IVNS1ABP: variants seen among roughly 807,000 people sequenced by gnomAD.
IVNS1ABP encodes the protein influenza virus NS1A binding protein, also known as influenza virus NS1A-binding protein.
Under a neutral mutation model 78.9 loss-of-function variants are expected in IVNS1ABP, and 25 were observed. That is an observed-to-expected ratio of 0.32 (90% CI 0.23 to 0.44). IVNS1ABP has a LOEUF of 0.44. IVNS1ABP is among the 20% of genes least tolerant of loss of function. The probability of loss-of-function intolerance (pLI) is 1.00; values close to 1 mark genes in which losing one functional copy is unlikely to be tolerated. For missense variants in IVNS1ABP, 494 were observed against 768.9 expected, an observed-to-expected ratio of 0.64 and a Z score of 4.23; for synonymous variants, 241 against 259.7, an observed-to-expected ratio of 0.93 and a Z score of 0.69.
In IVNS1ABP at chr1:185,305,146, TAAC is replaced by T. The variant is rs1665702418; in HGVS notation, c.765+387_765+389del. Among the ~76,000 whole-genome samples, 1 of 152,142 alleles carries T rather than the reference TAAC, an allele frequency of 6.6e-6. No individual in the cohort carries two copies. The highest frequency in any genetic ancestry group is 2.1e-4 in the South Asian group (1 of 4,830). ...CAGTAAGACAGCTCAGTAGTTAAGGTAACATCCAAAAATTTCTTTCATAGCCAT... is the reference window on the plus strand; with the variant it reads ...CAGTAAGACAGCTCAGTAGTTAAGGTATCCAAAAATTTCTTTCATAGCCAT... On this transcript the variant is annotated intron_variant, in intron 8 of 14. Transcript: ENST00000367498. The surrounding 1 kb of genome is among the most constrained non-coding windows in gnomAD (Gnocchi z 4.0).
Position 185,298,090 on chromosome 1 carries a change from A to G in IVNS1ABP, c.1874T>C (p.Val625Ala), listed in dbSNP as rs775347398. 5 of 1,613,700 alleles carry G rather than the reference A, an allele frequency of 3.1e-6. No individual in the cohort carries two copies. Among genetic ancestry groups the G allele is most frequent in the Non-Finnish European group, 4.2e-6 (5 of 1,179,766 alleles). The change falls in exon 15 of 15, where the codon GTC (valine) becomes GCC (alanine). Residue 625 changes from valine (V) to alanine (A), a missense_variant. By Grantham distance (64) the Val-to-Ala change is moderately conservative. Coordinates refer to ENST00000367498, the MANE Select transcript of IVNS1ABP (RefSeq NM_006469.5). This position sits in a 1 kb window ranked among gnomAD's most constrained non-coding sequence, Gnocchi z 4.1. ...CCATTCATTTGACTCAAGGTTATAG[A>G]CTTCCACCGTATTCAGAAATTCATT... ...DGNEFLNTVE[V>A]YNLESNEWSP...
chr1:185,309,585 T>C (rs756353821), intron 2 of IVNS1ABP, 74 bp from the exon 3 acceptor site: 2 of 747,494 alleles, frequency 2.7e-6, no homozygotes, highest in Non-Finnish European at 4.6e-6. Flanking sequence ...TAAAGAGTAA[T>C]ACAGTCTCTT....
rs1665639334 is a variant in IVNS1ABP at position 185,302,939 on chromosome 1, A to AGTT, written c.766-1377_766-1376insAAC. ...GACAAGTTATGTCATACTATAAAAC[A>AGTT]GATTTACACTATGACAGGCTGTTTT... On this transcript the variant is annotated intron_variant, in intron 8 of 14. Transcript: ENST00000367498. Among the ~76,000 whole-genome samples the AGTT allele has an allele frequency of 2.0e-5, 3 of 152,140 alleles. No homozygotes were observed. In the South Asian group the frequency reaches 6.2e-4, roughly 31 times the overall value.
At position 185,297,978 on chromosome 1, in the gene IVNS1ABP, C is replaced by G. The variant is rs1187438398; in HGVS notation, c.*57G>C. The G allele has an allele frequency of 6.5e-7, 1 of 1,548,568 alleles. No individual in the cohort carries two copies. The highest frequency in any genetic ancestry group is 8.8e-7 in the Non-Finnish European group (1 of 1,134,954). ...CCACCCTCTTTATTCACAAGTGTAC[C>G]TCTACTAACCATAATTACATCACTA... On this transcript the variant is annotated 3_prime_UTR_variant, in exon 15 of 15. Transcript: ENST00000367498.
Position 185,317,209 on chromosome 1 carries a change from G to C in IVNS1ABP, c.-503C>G, listed in dbSNP as rs1182066456. The C allele has an allele frequency of 1.0e-5, 4 of 398,216 alleles. No individual in the cohort carries two copies. In the East Asian group the frequency reaches 1.4e-4, roughly 14 times the overall value. 24.7% of individuals were successfully genotyped at this position (398,216 alleles called of 1,614,324 possible). Reference sequence around the variant, plus strand: ...CGGAGAAACTGCGCCCAGCAGCTCTGAGCGACCGACCTCCACGCGCGACCG... The same window carrying C: ...CGGAGAAACTGCGCCCAGCAGCTCTCAGCGACCGACCTCCACGCGCGACCG... On this transcript the variant is annotated 5_prime_UTR_variant, in exon 1 of 15. Transcript: ENST00000367498.
intron 2 of IVNS1ABP, among the ~76,000 whole-genome samples, chr1:185,310,863 GATCTT>G (rs990427141): frequency 1.0e-4 from 15 of 150,478 alleles, no homozygotes; most frequent in Non-Finnish European, 7.4e-5. Context: ...GGACAACAGA[GATCTT>G]ATCTCTTTAA....
intron 2 of IVNS1ABP, among the ~76,000 whole-genome samples, chr1:185,310,786 G>C: frequency 6.6e-6 from 1 of 151,538 alleles, no homozygotes; most frequent in East Asian, 1.9e-4. Flanking sequence ...GCTGAGGCAG[G>C]AGAAGCACTT....
chr1:185,306,791 G>T, intron 7 of IVNS1ABP: 1 of 675,232 alleles, frequency 1.5e-6, no homozygotes, highest in Non-Finnish European at 2.2e-6. Flanking sequence ...AAAGTTAACA[G>T]CACATAATAA....
At chr1:185,303,508 A>G (rs1489196250) in intron 8 of IVNS1ABP, among the ~76,000 whole-genome samples, 1 of 152,028 alleles carries the variant, frequency 6.6e-6, no homozygotes, top group Non-Finnish European at 1.5e-5. Context: ...TATTCATGGC[A>G]TCACATTCTA....
intron 8 of IVNS1ABP, among the ~76,000 whole-genome samples, chr1:185,303,752 T>C (rs983171583): frequency 6.6e-6 from 1 of 152,084 alleles, no homozygotes; most frequent in African/African-American, 2.4e-5. Flanking sequence ...GCTCAAACTT[T>C]TATTGATTTT....
Position 185,300,029 on chromosome 1 carries a change from A to G in IVNS1ABP, c.1471T>C (p.Leu491=), listed in dbSNP as rs979539083. 18 of 1,613,330 alleles carry G rather than the reference A, an allele frequency of 1.1e-5. No homozygotes were observed. Among genetic ancestry groups the G allele is most frequent in the Non-Finnish European group, 1.4e-5 (16 of 1,179,744 alleles). ...NCDVFDPVTK[L]WTSCAPLNIR... Reference sequence around the variant, plus strand: ...TTAAGAGGGGCACAGCTTGTCCACAACTTTGTTACAGGATCAAATACATCA... The same window carrying G: ...TTAAGAGGGGCACAGCTTGTCCACAGCTTTGTTACAGGATCAAATACATCA... The change falls in exon 13 of 15, where the codon TTG becomes CTG. Residue 491 remains leucine (L), a synonymous_variant. Coordinates refer to ENST00000367498, the MANE Select transcript of IVNS1ABP (RefSeq NM_006469.5).
chr1:185,298,029 A>T lies in IVNS1ABP; in HGVS notation c.*6T>A. 6.2e-7 allele frequency: 1 copy of T among 1,612,458 alleles called. No individual in the cohort carries two copies. The highest frequency in any genetic ancestry group is 8.5e-7 in the Non-Finnish European group (1 of 1,179,130). Reference sequence around the variant, plus strand: ...AGCCTGTTAGTTTGAGAGGGTCTTAAATTTGTTAAAACTGGAAAATCTTTG... The same window carrying T: ...AGCCTGTTAGTTTGAGAGGGTCTTATATTTGTTAAAACTGGAAAATCTTTG... On this transcript the variant is annotated 3_prime_UTR_variant, in exon 15 of 15. Coordinates refer to ENST00000367498, the MANE Select transcript of IVNS1ABP (RefSeq NM_006469.5). The surrounding 1 kb of genome is among the most constrained non-coding windows in gnomAD (Gnocchi z 4.1).
rs1666056983 is a variant in IVNS1ABP at position 185,317,100 on chromosome 1, T to G, written c.-394A>C. 2.5e-6 allele frequency: 1 copy of G among 397,444 alleles called. No homozygotes were observed. Among genetic ancestry groups the G allele is most frequent in the Non-Finnish European group, 4.4e-6 (1 of 225,830 alleles). 24.6% of individuals were successfully genotyped at this position (397,444 alleles called of 1,614,324 possible). A position where few individuals can be genotyped will look rare whatever the true frequency, so the allele number is the denominator to read the frequency against. ...AGTAGAAGGACGAGGGGCCAGTCCG[T>G]GGAGACTGAAAGGAAGGGGGAGCGC... On this transcript the variant is annotated 5_prime_UTR_variant, in exon 1 of 15. Coordinates refer to ENST00000367498, the MANE Select transcript of IVNS1ABP (RefSeq NM_006469.5).
Position 185,296,636 on chromosome 1 carries a change from T to A in IVNS1ABP, c.*1399A>T, listed in dbSNP as rs1665425640. The A allele has an allele frequency of 6.6e-6, 1 of 152,006 alleles. No individual in the cohort carries two copies. Among genetic ancestry groups the A allele is most frequent in the African/African-American group, 2.4e-5 (1 of 41,406 alleles). The allele number at this position is 152,006 out of a possible 1,614,324, so 9.4% of individuals were successfully genotyped here. On this transcript the variant is annotated 3_prime_UTR_variant, in exon 15 of 15. Transcript: ENST00000367498. ...AGTACCAGTGAACATTTGGAGAAAA[T>A]ACCTAATTATTTTCTTCCTAACCCA...
At chr1:185,315,913 C>T (rs747697601) in intron 1 of IVNS1ABP, among the ~76,000 whole-genome samples, 2 of 151,966 alleles carry the variant, frequency 1.3e-5, no homozygotes, top group Admixed American at 6.5e-5. Flanking sequence ...CATCACTGCA[C>T]GCTCCATCAC....
chr1:185,307,486 T>C lies in IVNS1ABP; in HGVS notation c.531+3A>G, dbSNP rs201582382. 8 of 1,609,828 alleles carry C rather than the reference T, an allele frequency of 5.0e-6. No individual in the cohort carries two copies. In the Admixed American group the frequency reaches 1.3e-4, roughly 27 times the overall value. On this transcript the variant is annotated splice_donor_region_variant and intron_variant, in intron 6 of 14. Transcript: ENST00000367498. ...ATATCTGTTTATAGACTTTACTCCT[T>C]ACCTTTAGCCTTGGAAGCTTAAGAA...
In IVNS1ABP at chr1:185,299,903, A is replaced by C; in HGVS notation, c.1502-20T>G. 1 of 1,613,530 alleles carries C rather than the reference A, an allele frequency of 6.2e-7. No individual in the cohort carries two copies. The highest frequency in any genetic ancestry group is 1.1e-5 in the South Asian group (1 of 91,080). On this transcript the variant is annotated intron_variant, in intron 13 of 14. Coordinates refer to ENST00000367498, the MANE Select transcript of IVNS1ABP (RefSeq NM_006469.5). ...GTCTCCCTACAAGAAAAGTCAAGTCAAGATTATTGCTACATCTCCCAGACT... is the reference window on the plus strand; with the variant it reads ...GTCTCCCTACAAGAAAAGTCAAGTCCAGATTATTGCTACATCTCCCAGACT...
chr1:185,300,012 G>GGC lies in IVNS1ABP; in HGVS notation c.1486_1487dup (p.Asn499LeufsTer19). 1 of 1,612,314 alleles carries GGC rather than the reference G, an allele frequency of 6.2e-7. No individual in the cohort carries two copies. Among genetic ancestry groups the GGC allele is most frequent in the Non-Finnish European group, 8.5e-7 (1 of 1,179,422 alleles). ...AAATCAACTTACGAATGTTAAGAGG[G>GGC]GCACAGCTTGTCCACAACTTTGTTA... On this transcript the variant is annotated frameshift_variant, in exon 13 of 15. Coordinates refer to ENST00000367498, the MANE Select transcript of IVNS1ABP (RefSeq NM_006469.5). LOFTEE classifies it high-confidence loss of function.
At chr1:185,301,334 T>A (rs1665592041) in intron 9 of IVNS1ABP, 100 bp downstream of exon 9, 1 of 1,494,978 alleles carries the variant, frequency 6.7e-7, no homozygotes, top group East Asian at 2.3e-5. Context: ...TGCTTCTGAG[T>A]TTTTTCCTCG....
Sources: gnomAD v4.1 joint callset for allele counts (sites outside exome capture counted in the v4.1 genomes callset) on GRCh38, gnomAD v4.1.1 for gene constraint, Gnocchi (gnomAD v3.1) non-coding constraint, MANE v1.5 for transcripts, NCBI Gene and HGNC (gene_info 2026-07-23, HGNC 2026-07-21) for gene names.